The following KCNK6 variants were observed in gnomAD, a reference collection of about 807,000 sequenced individuals.
KCNK6 encodes the protein potassium channel subfamily K member 6.
KCNK6 carries 20 observed loss-of-function variants against 21.9 expected under a neutral mutation model. That is an observed-to-expected ratio of 0.91 (90% confidence interval 0.64 to 1.32). KCNK6 has a LOEUF of 1.32. Among genes scored for constraint, KCNK6 ranks in the 40% most tolerant of loss-of-function variants. The probability of loss-of-function intolerance (pLI) is 0.00; values close to 1 mark genes in which losing one functional copy is unlikely to be tolerated. For missense variants in KCNK6, 415 were observed against 433.1 expected (o/e 0.96, Z 0.37); for synonymous variants, 210 against 218.0 (o/e 0.96, Z 0.32).
rs774331675 is a variant in KCNK6, at chr19:38,326,805, G to A, written c.535G>A (p.Val179Ile). The change falls in exon 2 of 3, where the codon GTC becomes ATC. Residue 179 changes from valine (V) to isoleucine (I), a missense_variant. Physicochemically the swap from Val to Ile is conservative, Grantham distance 29 (BLOSUM62 3). Coordinates refer to ENST00000263372, the MANE Select transcript of KCNK6 (RefSeq NM_004823.3). ...CTGGCACTTGGTGGCCCTGTTGGGG[G>A]TCGTAGTGACCGTCTGCTTTCTGGT... is the stretch of plus-strand genomic sequence containing the variant. ...ACWHLVALLG[V>I]VVTVCFLVPA... The A allele has an allele frequency of 5.0e-6, 8 of 1,607,188 alleles. No homozygotes were observed. The South Asian group carries it at 6.6e-5, about 13-fold the overall frequency.
At position 38,326,936 on chromosome 19, in the gene KCNK6, C is replaced by G. The variant is rs139677348; in HGVS notation, c.666C>G (p.Pro222=). 6.8e-6 allele frequency: 11 copies of G among 1,608,902 alleles called. No homozygotes were observed. The East Asian group carries it at 8.9e-5, about 13-fold the overall frequency. ...LSTIGLGDYV[P]GEAPGQPYRA... is the part of the protein sequence containing the mutation. Reference sequence around the variant, plus strand: ...CCATCGGCCTGGGCGACTACGTGCCCGGGGAGGCCCCTGGCCAGCCCTACC... The same window carrying G: ...CCATCGGCCTGGGCGACTACGTGCCGGGGGAGGCCCCTGGCCAGCCCTACC... Residue 222 remains proline (P), a synonymous_variant, in exon 2 of 3, where the codon CCC becomes CCG. Transcript: ENST00000263372.
chr19:38,325,120 CTTTTTT>C (rs34568724), intron 1 of KCNK6: 1 of 144,984 alleles, frequency 6.9e-6, no homozygotes, highest in South Asian at 2.2e-4. Flanking sequence ...ATCTCTAAAA[CTTTTTT>C]TTTTTTTTGA....
Position 38,331,648 on chromosome 19 carries a change from G to C in KCNK6, c.*4245G>C, listed in dbSNP as rs1394328413. On this transcript the variant is annotated 3_prime_UTR_variant, in exon 3 of 3. Coordinates refer to ENST00000263372, the MANE Select transcript of KCNK6 (RefSeq NM_004823.3). ...TCAGAAAAAAAAAAAAAAGAAAAAA[G>C]TGTGTGCTAAAAAATTCATCAGGTA... is the stretch of plus-strand genomic sequence containing the variant. 1.3e-5 allele frequency: 2 copies of C among 151,612 alleles called. No homozygotes were observed. Among genetic ancestry groups the C allele is most frequent in the Admixed American group, 6.6e-5 (1 of 15,192 alleles). The allele number at this position is 151,612 out of a possible 1,614,324, so 9.4% of individuals were successfully genotyped here. A position where few individuals can be genotyped will look rare whatever the true frequency, so the allele number is the denominator to read the frequency against.
rs1665262152 is a variant in KCNK6, at chr19:38,328,791, G to C, written c.*1388G>C. ...GAGGCCAGGAGTTTGAGGCTGCAGTGAGTTATGATGGCACTGCTGCACTCC... is the reference window on the plus strand; with the variant it reads ...GAGGCCAGGAGTTTGAGGCTGCAGTCAGTTATGATGGCACTGCTGCACTCC... On this transcript the variant is annotated 3_prime_UTR_variant, in exon 3 of 3. Coordinates refer to ENST00000263372, the MANE Select transcript of KCNK6 (RefSeq NM_004823.3). 1 of 151,908 alleles carries C rather than the reference G, an allele frequency of 6.6e-6. No homozygotes were observed. Among genetic ancestry groups the C allele is most frequent in the Non-Finnish European group, 1.5e-5 (1 of 68,026 alleles). The allele number at this position is 151,908 out of a possible 1,614,324, so 9.4% of individuals were successfully genotyped here.
chr19:38,326,955 C>T lies in KCNK6; in HGVS notation c.685C>T (p.Pro229Ser). 6.2e-7 allele frequency: 1 copy of T among 1,605,338 alleles called. No individual in the cohort carries two copies. Among genetic ancestry groups the T allele is most frequent in the Non-Finnish European group, 8.5e-7 (1 of 1,179,568 alleles). ...CGTGCCCGGGGAGGCCCCTGGCCAGCCCTACCGGGCCCTCTACAAGGTGCT... is the reference window on the plus strand; with the variant it reads ...CGTGCCCGGGGAGGCCCCTGGCCAGTCCTACCGGGCCCTCTACAAGGTGCT... ...DYVPGEAPGQ[P>S]YRALYKVLVT... Residue 229 changes from proline to serine, a missense_variant, in exon 2 of 3, where the codon CCC (proline) becomes TCC (serine). Transcript: ENST00000263372.
In KCNK6 at chr19:38,328,537, T is replaced by TA. The variant is rs1447440380; in HGVS notation, c.*1135dup. The TA allele has an allele frequency of 6.6e-6, 1 of 152,252 alleles. No individual in the cohort carries two copies. The highest frequency in any genetic ancestry group is 1.5e-5 in the Non-Finnish European group (1 of 68,084). The allele number at this position is 152,252 out of a possible 1,614,324, so 9.4% of individuals were successfully genotyped here. On this transcript the variant is annotated 3_prime_UTR_variant, in exon 3 of 3. Coordinates refer to ENST00000263372, the MANE Select transcript of KCNK6 (RefSeq NM_004823.3). The stretch of plus-strand genomic sequence containing the variant: ...ATCTGTAAAATGGTGATCATCATAA[T>TA]ACAACTTCAAAAGGATTTCAGGCTG...
chr19:38,327,282 C>T lies in KCNK6; in HGVS notation c.821C>T (p.Pro274Leu), dbSNP rs776990996. 77 of 1,613,626 alleles carry T rather than the reference C, an allele frequency of 4.8e-5. No homozygotes were observed. The highest frequency in any genetic ancestry group is 1.2e-4 in the South Asian group (11 of 91,088). Residue 274 changes from proline (P) to leucine (L), a missense_variant, in exon 3 of 3, where the codon CCG (proline) becomes CTG (leucine). Transcript: ENST00000263372. ...GLTELILLPP[P>L]CPASFNADED... ...ACGGAGCTCATCCTGCTGCCCCCTCCGTGCCCTGCCAGTTTCAATGCGGAT... is the reference window on the plus strand; with the variant it reads ...ACGGAGCTCATCCTGCTGCCCCCTCTGTGCCCTGCCAGTTTCAATGCGGAT...
Position 38,327,753 on chromosome 19 carries a change from T to G in KCNK6, c.*350T>G. Reference sequence around the variant, plus strand: ...TCATGTTCCGTCTGTGTCTCTCAATTAACCACTCGTCAACTGCTGATTCTA... The same window carrying G: ...TCATGTTCCGTCTGTGTCTCTCAATGAACCACTCGTCAACTGCTGATTCTA... On this transcript the variant is annotated 3_prime_UTR_variant, in exon 3 of 3. Coordinates refer to ENST00000263372, the MANE Select transcript of KCNK6 (RefSeq NM_004823.3). 3.3e-6 allele frequency: 1 copy of G among 306,384 alleles called. No individual in the cohort carries two copies. 19.0% of individuals were successfully genotyped at this position (306,384 alleles called of 1,614,324 possible). A position where few individuals can be genotyped will look rare whatever the true frequency, so the allele number is the denominator to read the frequency against.
intron 1 of KCNK6, among the ~76,000 whole-genome samples, chr19:38,325,968 C>T (rs1969702678): frequency 6.6e-6 from 1 of 151,920 alleles, no homozygotes; most frequent in African/African-American, 2.4e-5. Context: ...GAGGAGGCTG[C>T]TGTGGTGGAC....
chr19:38,330,843 G>C lies in KCNK6; in HGVS notation c.*3440G>C, dbSNP rs939122912. The C allele has an allele frequency of 6.6e-6, 1 of 152,122 alleles. No individual in the cohort carries two copies. The highest frequency in any genetic ancestry group is 1.5e-5 in the Non-Finnish European group (1 of 68,032). 9.4% of individuals were successfully genotyped at this position (152,122 alleles called of 1,614,324 possible). A position where few individuals can be genotyped will look rare whatever the true frequency, so the allele number is the denominator to read the frequency against. On this transcript the variant is annotated 3_prime_UTR_variant, in exon 3 of 3. Transcript: ENST00000263372. ...TTTGGTTGGGCATCTTTTCCTATGG[G>C]AGCTCAGAAATATCTGTTGTCTAGC...
chr19:38,330,710 G>A lies in KCNK6; in HGVS notation c.*3307G>A, dbSNP rs552866832. 1.3e-5 allele frequency: 2 copies of A among 152,138 alleles called. No homozygotes were observed. The highest frequency in any genetic ancestry group is 4.8e-5 in the African/African-American group (2 of 41,510). 9.4% of individuals were successfully genotyped at this position (152,138 alleles called of 1,614,324 possible). ...TACTATGTGCCAGGCACGATTCCAA[G>A]CCCCTGATACATTCTCTACATTTTA... On this transcript the variant is annotated 3_prime_UTR_variant, in exon 3 of 3. Coordinates refer to ENST00000263372, the MANE Select transcript of KCNK6 (RefSeq NM_004823.3).
At chr19:38,324,583 C>T (rs377581180) in intron 1 of KCNK6, among the ~76,000 whole-genome samples, 118 of 152,244 alleles carry the variant, frequency 7.8e-4, no homozygotes, top group African/African-American at 9.1e-4. Flanking sequence ...TGGCATCCCT[C>T]GCTCCTTAAG....
At chr19:38,321,212 C>G (rs893453195) in intron 1 of KCNK6, among the ~76,000 whole-genome samples, 3 of 152,228 alleles carry the variant, frequency 2.0e-5, no homozygotes, top group African/African-American at 7.2e-5. Context: ...AGAGATTCCT[C>G]AGCAAGGACC....
At chr19:38,325,499 G>A in intron 1 of KCNK6, 1 of 985,466 alleles carries the variant, frequency 1.0e-6, no homozygotes. Flanking sequence ...GTTTTGAGAA[G>A]TACTGATCGA....
intron 1 of KCNK6, 74 bp downstream of exon 1, chr19:38,320,346 G>A: frequency 3.3e-6 from 5 of 1,507,176 alleles, no homozygotes; most frequent in Non-Finnish European, 4.5e-6. Context: ...GGGGACCCCG[G>A]GGCCCTCACG....
intron 1 of KCNK6, among the ~76,000 whole-genome samples, chr19:38,323,421 C>A (rs1969674255): frequency 6.6e-6 from 1 of 152,152 alleles, no homozygotes; most frequent in African/African-American, 2.4e-5. Flanking sequence ...CAAATCTTGG[C>A]CCTGGAATTG....
At chr19:38,325,398 A>G in intron 1 of KCNK6, 1 of 985,538 alleles carries the variant, frequency 1.0e-6, no homozygotes, top group Non-Finnish European at 1.2e-6. Context: ...TACAGACCTG[A>G]GCCACCACGC....
chr19:38,322,474 C>T (rs562419121), intron 1 of KCNK6, among the ~76,000 whole-genome samples: 2 of 152,242 alleles, frequency 1.3e-5, no homozygotes, highest in African/African-American at 2.4e-5. Context: ...CTAAACTCAG[C>T]TTAACAAGAT....
In KCNK6 at chr19:38,327,407, G is replaced by C; in HGVS notation, c.*4G>C. 6.2e-7 allele frequency: 1 copy of C among 1,605,456 alleles called. No individual in the cohort carries two copies. The highest frequency in any genetic ancestry group is 1.1e-5 in the South Asian group (1 of 91,006). On this transcript the variant is annotated 3_prime_UTR_variant, in exon 3 of 3. Transcript: ENST00000263372. The stretch of plus-strand genomic sequence containing the variant: ...CTACGCTTCCATCCCCAGGTAGCTG[G>C]GGCAGCCTCTGCCAGGCTTGGGTGT...
Sources: allele counts gnomAD v4.1 joint callset (sites outside exome capture counted in the v4.1 genomes callset), GRCh38; gene constraint gnomAD v4.1.1; transcripts MANE v1.5; gene names NCBI Gene and HGNC (gene_info 2026-07-23, HGNC 2026-07-21).